MAD1L1: variants seen among roughly 807,000 people sequenced by gnomAD.
MAD1L1 encodes the protein mitotic arrest deficient 1 like 1.
Under a neutral mutation model 96.9 loss-of-function variants are expected in MAD1L1, and 95 were observed. The observed-to-expected ratio is 0.98, with a 90% CI of 0.83 to 1.16. MAD1L1 has a LOEUF of 1.16. MAD1L1 is among the 50% of genes most tolerant of loss of function. The pLI is 0.00. For missense variants in MAD1L1, 1,007 were observed against 954.4 expected (o/e 1.06, Z -0.73); for synonymous variants, 473 against 396.6 (o/e 1.19, Z -2.29).
Position 2,002,092 on chromosome 7 carries a change from C to T in MAD1L1, c.1389G>A (p.Leu463=). 2 of 1,613,324 alleles carry T rather than the reference C, an allele frequency of 1.2e-6. No homozygotes were observed. Among genetic ancestry groups the T allele is most frequent in the Non-Finnish European group, 8.5e-7 (1 of 1,180,022 alleles). ...TGTCTGCTCTTTGTTTCTGGCCTCC[C>T]AGCTCCTCCAGGGCCTGCGACAGCT... ...EAQLSQALEE[L]GGQKQRADML... is the part of the protein sequence containing the mutation. The change falls in exon 14 of 19, where the codon CTG becomes CTA. Residue 463 remains leucine, a synonymous_variant. Transcript: ENST00000265854.
intron 11 of MAD1L1, among the ~76,000 whole-genome samples, chr7:2,086,316 G>A (rs931978353): frequency 3.9e-5 from 6 of 152,374 alleles, no homozygotes; most frequent in African/African-American, 7.2e-5. Context: ...TGAAGCACAG[G>A]CACGCCCTCG....
intron 10 of MAD1L1, among the ~76,000 whole-genome samples, chr7:2,184,938 G>A (rs1791388377): frequency 6.6e-6 from 1 of 152,124 alleles, no homozygotes; most frequent in South Asian, 2.1e-4. Context: ...GGAGGCGGAG[G>A]TTTCAGTGAG....
At chr7:1,865,340 C>A (rs1315138776) in intron 18 of MAD1L1, among the ~76,000 whole-genome samples, 1 of 152,164 alleles carries the variant, frequency 6.6e-6, no homozygotes, top group Non-Finnish European at 1.5e-5. Context: ...TCAAAGCTGA[C>A]CTTGCCGGGC....
chr7:1,847,047 G>T (rs924257859), intron 18 of MAD1L1: 7 of 342,550 alleles, frequency 2.0e-5, no homozygotes, highest in South Asian at 1.5e-4. Context: ...CAGCTGATTT[G>T]CTCCTTGGCC....
chr7:1,903,879 T>C (rs560468933), intron 17 of MAD1L1, among the ~76,000 whole-genome samples: 2 of 131,238 alleles, frequency 1.5e-5, no homozygotes, highest in African/African-American at 5.8e-5. Flanking sequence ...CAGTGGCCTA[T>C]GGAAGATGCT....
chr7:2,193,936 A>ATTTTTTTTTTTTTTTTTTTTTTTTTTTT (rs35067993), intron 10 of MAD1L1, among the ~76,000 whole-genome samples: 2 of 82,802 alleles, frequency 2.4e-5, no homozygotes, highest in African/African-American at 4.7e-5. Context: ...CTCTGCATGG[A>ATTTTTTTTTTTTTTTTTTTTTTTTTTTT]TTTTTTTTTT....
chr7:2,059,060 G>A (rs1356950686), intron 12 of MAD1L1, among the ~76,000 whole-genome samples: 1 of 100,082 alleles, frequency 1.0e-5, no homozygotes, highest in African/African-American at 3.8e-5. Flanking sequence ...GAGGAGAGAA[G>A]CAGGGCTGGA....
At chr7:1,918,397 G>A (rs150135111) in intron 17 of MAD1L1, among the ~76,000 whole-genome samples, 2,021 of 152,262 alleles carry the variant, frequency 0.013, 38 homozygotes, top group African/African-American at 0.046. Flanking sequence ...TCCGTCTTGG[G>A]GCCCCCGAGC....
intron 18 of MAD1L1, among the ~76,000 whole-genome samples, chr7:1,839,413 C>T (rs1360622179): frequency 2.6e-5 from 4 of 151,422 alleles, no homozygotes; most frequent in Non-Finnish European, 5.9e-5. Flanking sequence ...GGTGCCATGG[C>T]CTGGGGAGTG....
chr7:2,048,691 A>C (rs1367489533), intron 12 of MAD1L1, among the ~76,000 whole-genome samples: 3 of 152,180 alleles, frequency 2.0e-5, no homozygotes, highest in Non-Finnish European at 4.4e-5. Context: ...AACCTCCTCC[A>C]AGACGAATGC....
chr7:1,926,690 G>A (rs1215547093), intron 17 of MAD1L1, among the ~76,000 whole-genome samples: 1 of 152,166 alleles, frequency 6.6e-6, no homozygotes, highest in Non-Finnish European at 1.5e-5. Context: ...CATCCTACAT[G>A]ATAAACACTC....
intron 15 of MAD1L1, among the ~76,000 whole-genome samples, chr7:1,965,175 C>T (rs571927079): frequency 3.7e-4 from 57 of 152,310 alleles, no homozygotes; most frequent in African/African-American, 1.2e-3. Context: ...GAGAGGCTGG[C>T]GAGTGGGGTA....
intron 17 of MAD1L1, among the ~76,000 whole-genome samples, chr7:1,922,368 T>G (rs966235892): frequency 6.6e-6 from 1 of 152,280 alleles, no homozygotes; most frequent in Non-Finnish European, 1.5e-5. Context: ...AGATTTCATC[T>G]TCAGAAGAGT....
chr7:1,831,612 A>C (rs1782707034), intron 18 of MAD1L1, among the ~76,000 whole-genome samples: 1 of 152,232 alleles, frequency 6.6e-6, no homozygotes, highest in Non-Finnish European at 1.5e-5. Flanking sequence ...CTTGCACCAC[A>C]CAGCTAGCCT....
At chr7:1,945,526 C>T (rs1470795901) in intron 16 of MAD1L1, among the ~76,000 whole-genome samples, 2 of 152,188 alleles carry the variant, frequency 1.3e-5, no homozygotes, top group Non-Finnish European at 2.9e-5. Context: ...GGGTCACAGC[C>T]GCAACCCAGG....
At chr7:2,162,640 TA>T (rs554706639) in intron 10 of MAD1L1, among the ~76,000 whole-genome samples, 89 of 103,024 alleles carry the variant, frequency 8.6e-4, no homozygotes, top group Admixed American at 1.4e-3. Context: ...AATGATATCT[TA>T]AAAAAAATCC....
chr7:1,815,886 C>G lies in MAD1L1; in HGVS notation c.*184G>C. ...GGCTCCGGGACGCATGGGGTCTGCA[C>G]GTGGAGAGGGTGCTGGCCGCCCCAG... On this transcript the variant is annotated 3_prime_UTR_variant, in exon 19 of 19. Transcript: ENST00000265854. 1.5e-6 allele frequency: 1 copy of G among 655,636 alleles called. No homozygotes were observed. Among genetic ancestry groups the G allele is most frequent in the Non-Finnish European group, 2.6e-6 (1 of 392,136 alleles). 40.6% of individuals were successfully genotyped at this position (655,636 alleles called of 1,614,324 possible).
intron 17 of MAD1L1, among the ~76,000 whole-genome samples, chr7:1,908,526 G>A (rs1787818156): frequency 6.6e-6 from 1 of 152,238 alleles, no homozygotes; most frequent in East Asian, 1.9e-4. Flanking sequence ...GGACCACAGG[G>A]AGCACACCAC....
intron 12 of MAD1L1, among the ~76,000 whole-genome samples, chr7:2,054,028 C>T (rs1784293331): frequency 6.6e-6 from 1 of 152,212 alleles, no homozygotes; most frequent in Non-Finnish European, 1.5e-5. Context: ...GGGCTGCACC[C>T]GGGTGCCCGC....
Sources: allele counts gnomAD v4.1 joint callset (sites outside exome capture counted in the v4.1 genomes callset), GRCh38; gene constraint gnomAD v4.1.1; transcripts MANE v1.5; gene names NCBI Gene and HGNC (gene_info 2026-07-23, HGNC 2026-07-21).